Variants in TNFRSF9 observed in about 807,000 individuals in gnomAD.
TNFRSF9 encodes tumor necrosis factor receptor superfamily member 9.
Under a neutral mutation model 28.8 loss-of-function variants are expected in TNFRSF9, and 16 were observed. That is an observed-to-expected ratio of 0.55 (90% confidence interval 0.38 to 0.84). The LOEUF (loss-of-function observed/expected upper bound fraction) is 0.84. Ranked by LOEUF, TNFRSF9 falls within the 40% of genes least tolerant of loss-of-function variation. The probability of loss-of-function intolerance (pLI) is 0.00; values close to 1 mark genes in which losing one functional copy is unlikely to be tolerated. For missense variants in TNFRSF9, 303 were observed against 315.0 expected (o/e 0.96, Z 0.29); for synonymous variants, 131 against 117.0 (o/e 1.12, Z -0.77).
chr1:7,936,284 T>G (rs1403663591), intron 5 of TNFRSF9, among the ~76,000 whole-genome samples: 1 of 151,878 alleles, frequency 6.6e-6, no homozygotes, highest in Non-Finnish European at 1.5e-5. Flanking sequence ...CAGGCGTGGT[T>G]GTGTGCACCT....
Position 7,939,898 on chromosome 1 carries a change from C to G in TNFRSF9, c.97G>C (p.Ala33Pro), listed in dbSNP as rs753016292. 1 of 1,594,108 alleles carries G rather than the reference C, an allele frequency of 6.3e-7. No individual in the cohort carries two copies. Among genetic ancestry groups the G allele is most frequent in the South Asian group, 1.1e-5 (1 of 89,506 alleles). ...SLQDPCSNCP[A>P]GTFCDNNRNQ... ...CACATGATAACTGGGTACTCACCAG[C>G]TGGGCAGTTACTACAAGGATCCTGC... is the stretch of plus-strand genomic sequence containing the variant. Residue 33 changes from alanine to proline, a missense_variant, in exon 2 of 8, where the codon GCT becomes CCT. Ala to Pro is a conservative substitution (Grantham distance 27). Transcript: ENST00000377507.
chr1:7,917,147 C>T lies in TNFRSF9; in HGVS notation c.*3688G>A, dbSNP rs1242431937. 6.6e-6 allele frequency: 1 copy of T among 152,192 alleles called. No individual in the cohort carries two copies. Among genetic ancestry groups the T allele is most frequent in the Non-Finnish European group, 1.5e-5 (1 of 68,076 alleles). The allele number at this position is 152,192 out of a possible 1,614,324, so 9.4% of individuals were successfully genotyped here. A position where few individuals can be genotyped will look rare whatever the true frequency, so the allele number is the denominator to read the frequency against. ...GGTTTCACCATGTTGGCCAGGCTGT[C>T]TCAAAACTCCTGACCTCAGGTGATC... On this transcript the variant is annotated 3_prime_UTR_variant, in exon 8 of 8. Coordinates refer to ENST00000377507, the MANE Select transcript of TNFRSF9 (RefSeq NM_001561.6).
Position 7,937,594 on chromosome 1 carries a change from G to C in TNFRSF9, c.413+96C>G, listed in dbSNP as rs552665473. 4 of 969,620 alleles carry C rather than the reference G, an allele frequency of 4.1e-6. No homozygotes were observed. In the Admixed American group the frequency reaches 7.4e-5, roughly 18 times the overall value. 60.1% of individuals were successfully genotyped at this position (969,620 alleles called of 1,614,324 possible). A position where few individuals can be genotyped will look rare whatever the true frequency, so the allele number is the denominator to read the frequency against. ...AGTATGTTACATTCTGTCTACACTT[G>C]ATGGGTGCAAAAAAGCTTCAATGAT... is the stretch of plus-strand genomic sequence containing the variant. On this transcript the variant is annotated intron_variant, in intron 5 of 7. Coordinates refer to ENST00000377507, the MANE Select transcript of TNFRSF9 (RefSeq NM_001561.6).
chr1:7,932,321 T>G (rs1263942867), intron 7 of TNFRSF9, among the ~76,000 whole-genome samples: 1 of 152,166 alleles, frequency 6.6e-6, no homozygotes, highest in African/African-American at 2.4e-5. Context: ...CTAATGTCCA[T>G]GAAGACAAAA....
intron 7 of TNFRSF9, among the ~76,000 whole-genome samples, chr1:7,926,219 C>T (rs535779522): frequency 1.7e-4 from 26 of 152,236 alleles, no homozygotes; most frequent in African/African-American, 5.1e-4. Context: ...ATTATTTTCA[C>T]GGTACCTCTT....
intron 7 of TNFRSF9, among the ~76,000 whole-genome samples, chr1:7,923,264 G>A (rs549481244): frequency 6.6e-6 from 1 of 152,102 alleles, no homozygotes; most frequent in African/African-American, 2.4e-5. Context: ...CCGTGGCTCC[G>A]CCTGCAAGCC....
chr1:7,932,622 T>C (rs1639747522), intron 7 of TNFRSF9, among the ~76,000 whole-genome samples: 2 of 151,928 alleles, frequency 1.3e-5, no homozygotes, highest in South Asian at 4.2e-4. Flanking sequence ...AGAGGGAACA[T>C]GGTTTTCTGA....
intron 1 of TNFRSF9, 48 bp from the exon 2 acceptor site, chr1:7,940,126 A>G: frequency 1.7e-6 from 1 of 591,030 alleles, no homozygotes; most frequent in Non-Finnish European, 3.0e-6. Context: ...TCCTTTCAAA[A>G]TTATCTATAT....
chr1:7,928,293 T>G (rs1456361214), intron 7 of TNFRSF9, among the ~76,000 whole-genome samples: 1 of 152,210 alleles, frequency 6.6e-6, no homozygotes, highest in Admixed American at 6.5e-5. Context: ...TCCTGAGCAT[T>G]TATCATAGAG....
chr1:7,926,081 A>G (rs1271063391), intron 7 of TNFRSF9, among the ~76,000 whole-genome samples: 12 of 152,162 alleles, frequency 7.9e-5, no homozygotes, highest in Admixed American at 7.9e-4. Context: ...TTGTATTTTT[A>G]GTAGAAACAG....
intron 7 of TNFRSF9, among the ~76,000 whole-genome samples, chr1:7,932,720 C>T (rs544910907): frequency 2.1e-5 from 3 of 145,754 alleles, no homozygotes; most frequent in South Asian, 2.1e-4. Flanking sequence ...CACACAGACA[C>T]GCACACACAC....
At chr1:7,936,893 A>C (rs226477) in intron 5 of TNFRSF9, among the ~76,000 whole-genome samples, 6 of 152,236 alleles carry the variant, frequency 3.9e-5, no homozygotes, top group African/African-American at 1.4e-4. Context: ...CCATTTGTGG[A>C]CCAGCACCCA....
rs1639532429 is a variant in TNFRSF9, at chr1:7,919,946, A to G, written c.*889T>C. 3 of 152,372 alleles carry G rather than the reference A, an allele frequency of 2.0e-5. No individual in the cohort carries two copies. Among genetic ancestry groups the G allele is most frequent in the Non-Finnish European group, 4.4e-5 (3 of 68,048 alleles). 9.4% of individuals were successfully genotyped at this position (152,372 alleles called of 1,614,324 possible). Reference sequence around the variant, plus strand: ...GCTTAAAAGGGAGCAGGACAAAGGCAGAAGGTGTGAGGATGGAGAAGACCA... The same window carrying G: ...GCTTAAAAGGGAGCAGGACAAAGGCGGAAGGTGTGAGGATGGAGAAGACCA... On this transcript the variant is annotated 3_prime_UTR_variant, in exon 8 of 8. Coordinates refer to ENST00000377507, the MANE Select transcript of TNFRSF9 (RefSeq NM_001561.6).
chr1:7,936,769 G>A (rs1639821957), intron 5 of TNFRSF9, among the ~76,000 whole-genome samples: 3 of 152,000 alleles, frequency 2.0e-5, no homozygotes, highest in Admixed American at 6.6e-5. Flanking sequence ...AAAATACAAC[G>A]CCCAAATTTT....
Position 7,935,041 on chromosome 1 carries a change from C to G in TNFRSF9, c.516G>C (p.Val172=). ...GCTCTCTCGCAGGGGCAGGCGGGGT[C>G]ACAGAGGATGCTCCCGGAGAGAGGT... is the stretch of plus-strand genomic sequence containing the variant. ...PADLSPGASS[V]TPPAPAREPG... is the part of the protein sequence containing the mutation. The change falls in exon 6 of 8, where the codon GTG becomes GTC. Residue 172 remains valine, a synonymous_variant. Transcript: ENST00000377507. 6.2e-7 allele frequency: 1 copy of G among 1,614,258 alleles called. No individual in the cohort carries two copies. The highest frequency in any genetic ancestry group is 1.1e-5 in the South Asian group (1 of 91,088).
chr1:7,934,430 G>C (rs928142277), intron 6 of TNFRSF9, among the ~76,000 whole-genome samples: 1 of 151,418 alleles, frequency 6.6e-6, no homozygotes, highest in African/African-American at 2.4e-5. Flanking sequence ...TGGGACCCTG[G>C]ACGGGCGTGG....
Position 7,920,436 on chromosome 1 carries a change from G to T in TNFRSF9, c.*399C>A, listed in dbSNP as rs945810497. The T allele has an allele frequency of 1.9e-5, 3 of 161,244 alleles. No homozygotes were observed. In the Admixed American group the frequency reaches 1.9e-4, roughly 10 times the overall value. 10.0% of individuals were successfully genotyped at this position (161,244 alleles called of 1,614,324 possible). A position where few individuals can be genotyped will look rare whatever the true frequency, so the allele number is the denominator to read the frequency against. ...ACTTTGGGAGGCCAAAGTGAACCTA[G>T]GAGTTTGAGACCAGCCTGTACAACA... On this transcript the variant is annotated 3_prime_UTR_variant, in exon 8 of 8. Coordinates refer to ENST00000377507, the MANE Select transcript of TNFRSF9 (RefSeq NM_001561.6).
intron 7 of TNFRSF9, among the ~76,000 whole-genome samples, chr1:7,928,502 A>G (rs1639686538): frequency 6.6e-6 from 1 of 152,260 alleles, no homozygotes; most frequent in Admixed American, 6.5e-5. Context: ...TTGGATGGAT[A>G]TCAAGGGCAT....
chr1:7,933,502 C>A (rs1278945126), intron 6 of TNFRSF9, among the ~76,000 whole-genome samples: 1 of 151,968 alleles, frequency 6.6e-6, no homozygotes, highest in Non-Finnish European at 1.5e-5. Flanking sequence ...TTTGGAAGGC[C>A]GAGGCAGGAG....
Sources: gnomAD v4.1 joint callset for allele counts (sites outside exome capture counted in the v4.1 genomes callset) on GRCh38, gnomAD v4.1.1 for gene constraint, MANE v1.5 for transcripts, NCBI Gene and HGNC (gene_info 2026-07-23, HGNC 2026-07-21) for gene names.